FAHD2A: variants seen among roughly 807,000 people sequenced by gnomAD.
The protein encoded by FAHD2A is oxaloacetate tautomerase FAHD2A, mitochondrial.
Under a neutral mutation model 33.4 loss-of-function variants are expected in FAHD2A, and 27 were observed. The observed-to-expected ratio is 0.81, with a 90% confidence interval of 0.60 to 1.11. The LOEUF (loss-of-function observed/expected upper bound fraction) is 1.11. FAHD2A is among the 50% of genes most tolerant of loss of function. The pLI, the probability that FAHD2A is intolerant of heterozygous loss-of-function variation, is 0.00. For synonymous variants in FAHD2A, 130 were observed against 153.3 expected (o/e 0.85, Z 1.12); for missense variants, 296 against 395.0 (o/e 0.75, Z 2.12).
At position 95,413,438 on chromosome 2, in the gene FAHD2A, C is replaced by A; in HGVS notation, c.*481C>A. 1 of 1,607,450 alleles carries A rather than the reference C, an allele frequency of 6.2e-7. No homozygotes were observed. Among genetic ancestry groups the A allele is most frequent in the Non-Finnish European group, 8.5e-7 (1 of 1,178,660 alleles). On this transcript the variant is annotated 3_prime_UTR_variant, in exon 8 of 8. Coordinates refer to ENST00000233379, the MANE Select transcript of FAHD2A (RefSeq NM_016044.3). ...GGGCTCAGAAGTCTCAGCACAGGCT[C>A]CTTCTCACAGTTCTAGCTACAAGTG...
chr2:95,413,067 C>T lies in FAHD2A; in HGVS notation c.*110C>T, dbSNP rs1206619747. 4 of 1,377,322 alleles carry T rather than the reference C, an allele frequency of 2.9e-6. No individual in the cohort carries two copies. The highest frequency in any genetic ancestry group is 1.4e-5 in the African/African-American group (1 of 69,726). 85.3% of individuals were successfully genotyped at this position (1,377,322 alleles called of 1,614,324 possible). A position where few individuals can be genotyped will look rare whatever the true frequency, so the allele number is the denominator to read the frequency against. ...GGACAGGTGCCAGCCCTGCAAGCCG[C>T]CTCTTCTCGGTAGAAGGGAGAAGGA... On this transcript the variant is annotated 3_prime_UTR_variant, in exon 8 of 8. Coordinates refer to ENST00000233379, the MANE Select transcript of FAHD2A (RefSeq NM_016044.3).
At chr2:95,405,019 A>G (rs1333908226) in intron 1 of FAHD2A, among the ~76,000 whole-genome samples, 2 of 152,210 alleles carry the variant, frequency 1.3e-5, no homozygotes, top group African/African-American at 4.8e-5. Flanking sequence ...AAAATTGTTT[A>G]TGGCCACTGT....
chr2:95,403,905 C>CT (rs1573540803), intron 1 of FAHD2A, among the ~76,000 whole-genome samples: 4 of 152,328 alleles, frequency 2.6e-5, no homozygotes, highest in Admixed American at 2.0e-4. Flanking sequence ...TGTGGAGTGT[C>CT]TGAGTGTGTG....
At position 95,411,008 on chromosome 2, in the gene FAHD2A, A is replaced by T; in HGVS notation, c.667A>T (p.Thr223Ser). 1.2e-6 allele frequency: 2 copies of T among 1,613,980 alleles called. No homozygotes were observed. The highest frequency in any genetic ancestry group is 1.7e-6 in the Non-Finnish European group (2 of 1,179,860). ...TFCPLGPALV[T>S]KDSVADPHNL... is the part of the protein sequence containing the mutation. ...CTGCCCTCTGGGCCCTGCCTTGGTG[A>T]CCAAGGACAGTGTAGCAGGTAGGTC... The change falls in exon 5 of 8, where the codon ACC becomes TCC. Residue 223 changes from threonine to serine, a missense_variant. Thr to Ser is a moderately conservative substitution (Grantham distance 58). Coordinates refer to ENST00000233379, the MANE Select transcript of FAHD2A (RefSeq NM_016044.3).
In FAHD2A at chr2:95,412,534, G is replaced by A; in HGVS notation, c.786G>A (p.Trp262Ter). The change falls in exon 6 of 8, where the codon TGG becomes TGA. Residue 262 changes from tryptophan to a stop codon, truncating the protein, a stop_gained. Transcript: ENST00000233379. LOFTEE classifies it high-confidence loss of function. Reference sequence around the variant, plus strand: ...TCAAGACAGAGGACCTGATAGCCTGGGTCTCCCAGTGAGTGACAGGGGCTG... The same window carrying A: ...TCAAGACAGAGGACCTGATAGCCTGAGTCTCCCAGTGAGTGACAGGGGCTG... Reference protein sequence around the residue: ...MVFKTEDLIAWVSQFVTFYPG... With the variant: ...MVFKTEDLIA 6.2e-7 allele frequency: 1 copy of A among 1,613,902 alleles called. No individual in the cohort carries two copies. Among genetic ancestry groups the A allele is most frequent in the Non-Finnish European group, 8.5e-7 (1 of 1,179,858 alleles).
chr2:95,405,572 G>A lies in FAHD2A; in HGVS notation c.14G>A (p.Gly5Asp). Residue 5 changes from glycine (G) to aspartate (D), a missense_variant, in exon 2 of 8, where the codon GGT becomes GAT. Physicochemically the swap from Gly to Asp is moderately conservative, Grantham distance 94. Transcript: ENST00000233379. The stretch of plus-strand genomic sequence containing the variant: ...CTGCAGGCTCTGATGCTGGTGTCTG[G>A]TAGAAGAAGGTTACTCACAGTTCTG... MLVS[G>D]RRRLLTVLLQ... is the part of the protein sequence containing the mutation. The A allele has an allele frequency of 6.2e-7, 1 of 1,612,204 alleles. No individual in the cohort carries two copies. Among genetic ancestry groups the A allele is most frequent in the Non-Finnish European group, 8.5e-7 (1 of 1,178,434 alleles).
At chr2:95,408,035 A>ATTTTTTTTTTT (rs11377714) in intron 3 of FAHD2A, among the ~76,000 whole-genome samples, 3 of 94,692 alleles carry the variant, frequency 3.2e-5, no homozygotes, top group Admixed American at 1.4e-4. Context: ...GCAAACACAC[A>ATTTTTTTTTTT]TTTTTTTTTT....
chr2:95,419,083 A>T (rs1467113237), downstream of FAHD2A, among the ~76,000 whole-genome samples: 8 of 152,044 alleles, frequency 5.3e-5, no homozygotes, highest in East Asian at 1.3e-3. Flanking sequence ...ACAAAGAAGT[A>T]TCCTCCCCTA....
downstream of FAHD2A, among the ~76,000 whole-genome samples, chr2:95,420,768 A>C (rs991103735): frequency 5.3e-5 from 8 of 152,074 alleles, no homozygotes; most frequent in Non-Finnish European, 1.5e-5. Context: ...ACTATGGGAA[A>C]GGAAGGAATG....
At position 95,415,017 on chromosome 2, in the gene FAHD2A, C is replaced by G. The variant is rs1464038623; in HGVS notation, c.*2060C>G. 2 of 152,236 alleles carry G rather than the reference C, an allele frequency of 1.3e-5. No homozygotes were observed. Among genetic ancestry groups the G allele is most frequent in the Non-Finnish European group, 2.9e-5 (2 of 68,056 alleles). 9.4% of individuals were successfully genotyped at this position (152,236 alleles called of 1,614,324 possible). A position where few individuals can be genotyped will look rare whatever the true frequency, so the allele number is the denominator to read the frequency against. On this transcript the variant is annotated 3_prime_UTR_variant, in exon 8 of 8. Coordinates refer to ENST00000233379, the MANE Select transcript of FAHD2A (RefSeq NM_016044.3). ...CATCCTCACACCCAGCTATACCACA[C>G]CCCACAAATGTTGCTTATGTTTCCT...
chr2:95,412,751 C>T lies in FAHD2A; in HGVS notation c.869C>T (p.Pro290Leu), dbSNP rs1455181244. Residue 290 changes from proline to leucine, a missense_variant, in exon 7 of 8, where the codon CCT becomes CTT. Coordinates refer to ENST00000233379, the MANE Select transcript of FAHD2A (RefSeq NM_016044.3). ...PPGVGVFRKP[P>L]VFLKKGDEVQ... is the part of the protein sequence containing the mutation. ...GGTGTCGGTGTATTCAGGAAACCTC[C>T]TGTCTTTCTCAAGGTAGGTTAGCGA... 2 of 1,614,064 alleles carry T rather than the reference C, an allele frequency of 1.2e-6. No individual in the cohort carries two copies. The highest frequency in any genetic ancestry group is 2.2e-5 in the East Asian group (1 of 44,890).
chr2:95,404,293 G>A (rs1180760080), intron 1 of FAHD2A, among the ~76,000 whole-genome samples: 1 of 151,832 alleles, frequency 6.6e-6, no homozygotes. Context: ...GAGCCCTGAG[G>A]ATTTTTTTTT....
At chr2:95,420,310 C>T (rs189448906), downstream of FAHD2A, among the ~76,000 whole-genome samples, 196 of 152,216 alleles carry the variant, frequency 1.3e-3, no homozygotes, top group Non-Finnish European at 2.4e-3. Flanking sequence ...ACTCATGAGA[C>T]ATGCTTGCTT....
chr2:95,403,263 C>T (rs1485290940), intron 1 of FAHD2A, among the ~76,000 whole-genome samples: 2 of 152,202 alleles, frequency 1.3e-5, no homozygotes, highest in African/African-American at 4.8e-5. Flanking sequence ...GGGCACCTGA[C>T]ATCATCCCTT....
At chr2:95,406,795 A>G (rs1188612072) in intron 2 of FAHD2A, 146 bp from the exon 3 acceptor site, 97 of 1,427,990 alleles carry the variant, frequency 6.8e-5, no homozygotes, top group South Asian at 8.9e-5. Flanking sequence ...ATAGTCAGTG[A>G]TTTTCACACT....
At chr2:95,403,366 G>A (rs1432404965) in intron 1 of FAHD2A, among the ~76,000 whole-genome samples, 1 of 152,224 alleles carries the variant, frequency 6.6e-6, no homozygotes, top group Non-Finnish European at 1.5e-5. Flanking sequence ...GTGTCATGTG[G>A]GAAGGGAACA....
At chr2:95,412,082 C>T (rs559972455) in intron 5 of FAHD2A, among the ~76,000 whole-genome samples, 1 of 152,304 alleles carries the variant, frequency 6.6e-6, no homozygotes, top group South Asian at 2.1e-4. Flanking sequence ...TGAGCCACCA[C>T]GCTTGGCCCT....
chr2:95,408,725 A>T (rs1467198366), intron 3 of FAHD2A, among the ~76,000 whole-genome samples: 1 of 152,242 alleles, frequency 6.6e-6, no homozygotes, highest in Non-Finnish European at 1.5e-5. Flanking sequence ...TATGGGAGCT[A>T]CAAGTTGAGA....
intron 2 of FAHD2A, among the ~76,000 whole-genome samples, chr2:95,406,478 A>G (rs1681580715): frequency 6.6e-6 from 1 of 151,616 alleles, no homozygotes; most frequent in African/African-American, 2.4e-5. Flanking sequence ...TAGAGCAGTA[A>G]TATGCAGCCA....
Sources: gnomAD v4.1 joint callset for allele counts (sites outside exome capture counted in the v4.1 genomes callset) on GRCh38, gnomAD v4.1.1 for gene constraint, MANE v1.5 for transcripts, NCBI Gene and HGNC (gene_info 2026-07-23, HGNC 2026-07-21) for gene names.